Variants in CSTF3 observed in about 807,000 individuals in gnomAD.
CSTF3 encodes CF-1 77 kDa subunit.
CSTF3 carries 29 observed loss-of-function variants against 105.8 expected under a neutral mutation model. The observed-to-expected ratio is 0.27, with a 90% CI of 0.20 to 0.37. The LOEUF is 0.37. Ranked by LOEUF, CSTF3 falls within the 10% of genes least tolerant of loss-of-function variation. The pLI is 1.00. For synonymous variants in CSTF3, 252 were observed against 281.9 expected, an observed-to-expected ratio of 0.89 and a Z score of 1.06; for missense variants, 357 against 879.3, an observed-to-expected ratio of 0.41 and a Z score of 7.51.
chr11:33,085,848 C>G (rs763078108), intron 19 of CSTF3, 47 bp downstream of exon 19: 3 of 1,588,878 alleles, frequency 1.9e-6, no homozygotes, highest in Non-Finnish European at 2.6e-6. Context: ...TACACAATTA[C>G]TATGACCCAC....
intron 3 of CSTF3, among the ~76,000 whole-genome samples, chr11:33,109,035 A>G (rs1315910996): frequency 6.6e-6 from 1 of 152,228 alleles, no homozygotes; most frequent in Admixed American, 6.5e-5. Context: ...ATTTTGGAAG[A>G]GCAAAAGACT....
chr11:33,122,243 T>G (rs1200508055), intron 3 of CSTF3, among the ~76,000 whole-genome samples: 2 of 152,230 alleles, frequency 1.3e-5, no homozygotes, highest in East Asian at 3.8e-4. Flanking sequence ...TTACTGTTAA[T>G]AGAATATAAT....
At chr11:33,157,008 G>A (rs1416146327) in intron 1 of CSTF3, among the ~76,000 whole-genome samples, 2 of 151,866 alleles carry the variant, frequency 1.3e-5, no homozygotes, top group Non-Finnish European at 2.9e-5. Context: ...AGTGCACAAG[G>A]TTAAATAGAC....
At chr11:33,090,509 A>G in intron 17 of CSTF3, 23 bp downstream of exon 17, 1 of 1,425,332 alleles carries the variant, frequency 7.0e-7, no homozygotes, top group South Asian at 1.7e-5. Context: ...AGGACACTCC[A>G]CATCTTGATC....
intron 3 of CSTF3, among the ~76,000 whole-genome samples, chr11:33,114,649 G>A (rs1449174450): frequency 1.3e-5 from 2 of 151,992 alleles, no homozygotes; most frequent in African/African-American, 4.8e-5. Flanking sequence ...TCCGGAGTTC[G>A]AGACCAGCCT....
rs2133776071 is a variant in CSTF3, at chr11:33,102,977, G to A, written c.663+130C>T. On this transcript the variant is annotated intron_variant, in intron 9 of 20. Transcript: ENST00000323959. ...TCATTTCAAATATGTCATCTCCTCA[G>A]ACTTTGCAATTAATTGCTGTTAAGA... 4.9e-6 allele frequency: 3 copies of A among 609,724 alleles called. No individual in the cohort carries two copies. The South Asian group carries it at 6.7e-5, about 14-fold the overall frequency. 37.8% of individuals were successfully genotyped at this position (609,724 alleles called of 1,614,324 possible). A position where few individuals can be genotyped will look rare whatever the true frequency, so the allele number is the denominator to read the frequency against.
intron 16 of CSTF3, 46 bp downstream of exon 16, chr11:33,092,225 A>T: frequency 1.5e-6 from 2 of 1,360,952 alleles, no homozygotes; most frequent in Non-Finnish European, 2.0e-6. Flanking sequence ...TTCAGGTAAG[A>T]AAGCTGTCTT....
At chr11:33,148,834 A>G (rs1001818793) in intron 1 of CSTF3, among the ~76,000 whole-genome samples, 3 of 151,164 alleles carry the variant, frequency 2.0e-5, no homozygotes, top group African/African-American at 7.3e-5. Flanking sequence ...CCAAGGAAAA[A>G]GCATGTGTGT....
intron 1 of CSTF3, among the ~76,000 whole-genome samples, chr11:33,143,863 G>C (rs531950309): frequency 6.6e-6 from 1 of 151,616 alleles, no homozygotes; most frequent in African/African-American, 2.4e-5. Flanking sequence ...GGTGGTGGGC[G>C]CCTGTAGTCC....
At chr11:33,106,926 T>C (rs1005151326) in intron 5 of CSTF3, among the ~76,000 whole-genome samples, 2 of 152,160 alleles carry the variant, frequency 1.3e-5, no homozygotes, top group African/African-American at 2.4e-5. Context: ...ATGCAACTTA[T>C]GTTAAAATGT....
chr11:33,106,719 T>C (rs1311110960), intron 5 of CSTF3, among the ~76,000 whole-genome samples: 2 of 152,172 alleles, frequency 1.3e-5, no homozygotes, highest in Non-Finnish European at 2.9e-5. Flanking sequence ...AGATCATAAA[T>C]TGTTTCCTTT....
chr11:33,094,815 A>C (rs911499441), intron 15 of CSTF3, among the ~76,000 whole-genome samples: 2 of 149,974 alleles, frequency 1.3e-5, no homozygotes, highest in African/African-American at 2.4e-5. Context: ...TAATTCTATA[A>C]TCATTTACAT....
chr11:33,118,934 T>A (rs539927841), intron 3 of CSTF3, among the ~76,000 whole-genome samples: 2 of 152,010 alleles, frequency 1.3e-5, no homozygotes, highest in South Asian at 4.1e-4. Context: ...CCAGGCAAAC[T>A]TAAAATATTA....
At chr11:33,139,259 G>C (rs1446831473) in intron 3 of CSTF3, among the ~76,000 whole-genome samples, 2 of 151,732 alleles carry the variant, frequency 1.3e-5, no homozygotes, top group Non-Finnish European at 2.9e-5. Context: ...TTAAAAAAAG[G>C]TATTTGGAGT....
At chr11:33,091,735 G>C (rs1239439105) in intron 16 of CSTF3, among the ~76,000 whole-genome samples, 1 of 152,128 alleles carries the variant, frequency 6.6e-6, no homozygotes, top group Non-Finnish European at 1.5e-5. Context: ...TTGAGACAGA[G>C]TCTCACTCTG....
At chr11:33,159,804 C>T (rs1334094443) in intron 1 of CSTF3, among the ~76,000 whole-genome samples, 2 of 152,054 alleles carry the variant, frequency 1.3e-5, no homozygotes, top group East Asian at 3.9e-4. Context: ...GCAAATATGG[C>T]AAGGCTTTCA....
intron 13 of CSTF3, among the ~76,000 whole-genome samples, chr11:33,097,754 T>C (rs566686969): frequency 1.3e-5 from 2 of 152,336 alleles, no homozygotes; most frequent in South Asian, 2.1e-4. Context: ...TAGAACTTCA[T>C]GGATAAACTA....
chr11:33,088,309 CAG>C (rs909558362), intron 17 of CSTF3, among the ~76,000 whole-genome samples: 8 of 143,732 alleles, frequency 5.6e-5, no homozygotes, highest in African/African-American at 2.1e-4. Context: ...TTTTTTGAGA[CAG>C]AGTCTCACTC....
Position 33,092,355 on chromosome 11 carries a change from A to C in CSTF3, c.1376-15T>G. 6.7e-7 allele frequency: 1 copy of C among 1,495,478 alleles called. No homozygotes were observed. Among genetic ancestry groups the C allele is most frequent in the Non-Finnish European group, 9.0e-7 (1 of 1,115,068 alleles). The allele number at this position is 1,495,478 out of a possible 1,614,324, so 92.6% of individuals were successfully genotyped here. On this transcript the variant is annotated splice_polypyrimidine_tract_variant and intron_variant, in intron 15 of 20. Transcript: ENST00000323959. ...ATTATTGTCCTCTAGGATATTGAAA[A>C]AGATTTTAATTTTTTTAATTCACTT...
Sources: allele counts gnomAD v4.1 joint callset (sites outside exome capture counted in the v4.1 genomes callset), GRCh38; gene constraint gnomAD v4.1.1; transcripts MANE v1.5; gene names NCBI Gene and HGNC (gene_info 2026-07-23, HGNC 2026-07-21).